The following ASTN2 variants were observed in gnomAD, a reference collection of about 807,000 sequenced individuals.
ASTN2 encodes the protein astrotactin-2.
In ASTN2, 54 loss-of-function variants were observed where a neutral mutation model predicts 139.8. The observed-to-expected ratio is 0.39, with a 90% confidence interval of 0.31 to 0.48. ASTN2 has a LOEUF of 0.48. ASTN2 is among the 20% of genes least tolerant of loss of function. The pLI is 0.95. For synonymous variants in ASTN2, 756 were observed against 719.5 expected (o/e 1.05, Z -0.81); for missense variants, 1,565 against 1,725.1 (o/e 0.91, Z 1.64).
At chr9:117,216,150 TA>T (rs1588092127) in intron 2 of ASTN2, among the ~76,000 whole-genome samples, 2 of 152,192 alleles carry the variant, frequency 1.3e-5, no homozygotes, top group Non-Finnish European at 2.9e-5. Context: ...TACATTATCT[TA>T]GGGGCAAAGG....
chr9:116,694,886 ATG>A (rs901277501), intron 16 of ASTN2, among the ~76,000 whole-genome samples: 8 of 152,108 alleles, frequency 5.3e-5, no homozygotes, highest in Non-Finnish European at 1.0e-4. Flanking sequence ...CTCATGATAT[ATG>A]GTAAATATTA....
At chr9:117,339,145 C>A (rs1401968395) in intron 1 of ASTN2, among the ~76,000 whole-genome samples, 1 of 152,084 alleles carries the variant, frequency 6.6e-6, no homozygotes, top group Non-Finnish European at 1.5e-5. Flanking sequence ...CACCATCAAA[C>A]CCCCAATTTT....
At chr9:117,155,233 T>C (rs1388169835) in intron 3 of ASTN2, among the ~76,000 whole-genome samples, 1 of 152,000 alleles carries the variant, frequency 6.6e-6, no homozygotes, top group African/African-American at 2.4e-5. Context: ...AGCTAAATAT[T>C]ATAGATAACT....
intron 5 of ASTN2, among the ~76,000 whole-genome samples, chr9:117,074,611 C>T (rs578261331): frequency 3.7e-4 from 57 of 152,218 alleles, no homozygotes; most frequent in African/African-American, 1.3e-3. Context: ...GATGCGCTGT[C>T]AGAACAGCAG....
intron 13 of ASTN2, among the ~76,000 whole-genome samples, chr9:116,762,369 A>T (rs1305946901): frequency 1.3e-5 from 2 of 152,288 alleles, no homozygotes; most frequent in South Asian, 2.1e-4. Flanking sequence ...TCTATCTTGC[A>T]GGGCCTCCAA....
intron 13 of ASTN2, among the ~76,000 whole-genome samples, chr9:116,783,911 A>T (rs953581458): frequency 6.6e-6 from 1 of 152,216 alleles, no homozygotes. Flanking sequence ...AGTTGTATAG[A>T]TACTTTGCTA....
intron 1 of ASTN2, among the ~76,000 whole-genome samples, chr9:117,294,929 A>G (rs1220351977): frequency 6.6e-6 from 1 of 152,196 alleles, no homozygotes; most frequent in Non-Finnish European, 1.5e-5. Context: ...CCTGCTTGGA[A>G]AAGCTGTGCC....
In ASTN2 at chr9:116,815,433, C is replaced by T. The variant is rs528449084; in HGVS notation, c.2207+5184G>A. Among the ~76,000 whole-genome samples, 3 of 152,236 alleles carry T rather than the reference C, an allele frequency of 2.0e-5. No homozygotes were observed. In the East Asian group the frequency reaches 5.8e-4, roughly 29 times the overall value. On this transcript the variant is annotated intron_variant, in intron 12 of 22. Transcript: ENST00000313400. ...TCAAGCTTCTATCCCAATTTTACCT[C>T]CTAACTGGCCGTGAGTGCCCCCACC...
chr9:116,895,132 G>A (rs1833851522), intron 10 of ASTN2, among the ~76,000 whole-genome samples: 1 of 152,132 alleles, frequency 6.6e-6, no homozygotes, highest in Non-Finnish European at 1.5e-5. Flanking sequence ...TTTTGAGTGC[G>A]ACATGACACC....
intron 4 of ASTN2, among the ~76,000 whole-genome samples, chr9:117,120,018 G>GTA (rs200361826): frequency 0.054 from 2,461 of 45,936 alleles, 85 homozygotes; most frequent in South Asian, 0.099. Context: ...GTGTGTGTGT[G>GTA]TATATATATA....
intron 21 of ASTN2, among the ~76,000 whole-genome samples, chr9:116,442,158 G>T: frequency 6.6e-6 from 1 of 152,130 alleles, no homozygotes. Flanking sequence ...ACAGTTATGG[G>T]GCTCTGACTC....
chr9:117,016,626 A>G (rs1200394741), intron 6 of ASTN2, among the ~76,000 whole-genome samples: 1 of 19,482 alleles, frequency 5.1e-5, no homozygotes, highest in Non-Finnish European at 1.3e-4. Flanking sequence ...CTATCTATCT[A>G]TATATATATA....
At chr9:117,138,787 T>G (rs1224527500) in intron 4 of ASTN2, among the ~76,000 whole-genome samples, 1 of 152,206 alleles carries the variant, frequency 6.6e-6, no homozygotes, top group East Asian at 1.9e-4. Flanking sequence ...TAAATTAACT[T>G]AAAACAGACT....
intron 10 of ASTN2, among the ~76,000 whole-genome samples, chr9:116,962,747 G>A (rs969093429): frequency 2.4e-4 from 36 of 152,092 alleles, no homozygotes; most frequent in Non-Finnish European, 5.9e-5. Context: ...TTGGAACCGC[G>A]AGATAATGTG....
At chr9:116,543,179 T>C (rs1356018114) in intron 19 of ASTN2, among the ~76,000 whole-genome samples, 3 of 150,814 alleles carry the variant, frequency 2.0e-5, no homozygotes, top group Non-Finnish European at 4.4e-5. Flanking sequence ...ATCACAGGTA[T>C]AGAGATTATA....
intron 10 of ASTN2, among the ~76,000 whole-genome samples, chr9:116,909,520 C>T (rs969933202): frequency 6.6e-6 from 1 of 151,882 alleles, no homozygotes; most frequent in African/African-American, 2.4e-5. Flanking sequence ...CCGTGTCAGA[C>T]ATGGTACGTT....
intron 1 of ASTN2, among the ~76,000 whole-genome samples, chr9:117,354,846 GAA>G (rs1829492240): frequency 1.3e-5 from 2 of 152,152 alleles, no homozygotes; most frequent in African/African-American, 4.8e-5. Flanking sequence ...CAACTTTTAG[GAA>G]AGACTTCCCT....
At chr9:116,536,518 G>A (rs959038429) in intron 19 of ASTN2, among the ~76,000 whole-genome samples, 1 of 152,126 alleles carries the variant, frequency 6.6e-6, no homozygotes. Flanking sequence ...TGATGGTGAC[G>A]TACAGATGGG....
At chr9:117,358,904 G>T (rs1468619941) in intron 1 of ASTN2, among the ~76,000 whole-genome samples, 2 of 151,976 alleles carry the variant, frequency 1.3e-5, no homozygotes, top group East Asian at 3.9e-4. Flanking sequence ...TTTCTGCAAA[G>T]GCCTACCCAA....
Sources: allele counts gnomAD v4.1 joint callset (sites outside exome capture counted in the v4.1 genomes callset), GRCh38; gene constraint gnomAD v4.1.1; transcripts MANE v1.5; gene names NCBI Gene and HGNC (gene_info 2026-07-23, HGNC 2026-07-21).